BMAL2: variants seen among roughly 807,000 people sequenced by gnomAD.
BMAL2 encodes the protein basic helix-loop-helix ARNT-like protein 2.
the BMAL2 span, among the ~76,000 whole-genome samples, chr12:27,333,367 G>A: frequency 6.6e-6 from 1 of 152,108 alleles, no homozygotes; most frequent in Non-Finnish European, 1.5e-5. Context: ...CTCAGGACGC[G>A]GTGTCTTGGT....
the BMAL2 span, among the ~76,000 whole-genome samples, chr12:27,376,817 G>A: frequency 2.6e-5 from 4 of 151,748 alleles, no homozygotes; most frequent in East Asian, 3.9e-4. Context: ...TGGCTAACAC[G>A]GTGAAACCCC....
the BMAL2 span, among the ~76,000 whole-genome samples, chr12:27,374,776 C>T: frequency 2.0e-5 from 3 of 152,180 alleles, no homozygotes; most frequent in African/African-American, 7.2e-5. Flanking sequence ...ACTTGGCCTC[C>T]ACTGGTTATA....
the BMAL2 span, among the ~76,000 whole-genome samples, chr12:27,366,313 C>G: frequency 6.6e-6 from 1 of 152,122 alleles, no homozygotes; most frequent in Non-Finnish European, 1.5e-5. Context: ...CCATATATGT[C>G]TATTATATGA....
the BMAL2 span, chr12:27,368,561 G>C: frequency 6.7e-6 from 7 of 1,043,982 alleles, no homozygotes; most frequent in East Asian, 1.8e-4. Context: ...TACCTTTGTC[G>C]GTGACTGACT....
chr12:27,368,359 A>G, the BMAL2 span: 2 of 1,614,182 alleles, frequency 1.2e-6, no homozygotes. Flanking sequence ...CTTTCAGCTC[A>G]CACATGACAG....
the BMAL2 span, among the ~76,000 whole-genome samples, chr12:27,381,247 T>A: frequency 6.6e-6 from 1 of 152,190 alleles, no homozygotes; most frequent in Non-Finnish European, 1.5e-5. Context: ...GCTTGAATTT[T>A]AAATCAAAGT....
At chr12:27,414,534 A>G in the BMAL2 span, among the ~76,000 whole-genome samples, 1 of 152,176 alleles carries the variant, frequency 6.6e-6, no homozygotes, top group African/African-American at 2.4e-5. Flanking sequence ...TGCAATTTAA[A>G]CAACACATAC....
At chr12:27,389,143 G>T in the BMAL2 span, 2 of 1,325,682 alleles carry the variant, frequency 1.5e-6, no homozygotes, top group Non-Finnish European at 2.2e-6. Flanking sequence ...AAAAAGCATG[G>T]TACTGATTTT....
At chr12:27,412,033 G>A in the BMAL2 span, among the ~76,000 whole-genome samples, 1 of 152,080 alleles carries the variant, frequency 6.6e-6, no homozygotes, top group Admixed American at 6.6e-5. Flanking sequence ...GTGTATATGG[G>A]GTAAGGTAAG....
chr12:27,402,390 G>A, the BMAL2 span, among the ~76,000 whole-genome samples: 1 of 152,136 alleles, frequency 6.6e-6, no homozygotes, highest in African/African-American at 2.4e-5. Context: ...GGAACTGAGA[G>A]TTTGTTATTG....
chr12:27,412,012 T>C, the BMAL2 span, among the ~76,000 whole-genome samples: 2 of 152,200 alleles, frequency 1.3e-5, no homozygotes, highest in African/African-American at 4.8e-5. Context: ...TGATCTACTT[T>C]AAGTTAGTTT....
At chr12:27,355,121 C>CATTT in the BMAL2 span, among the ~76,000 whole-genome samples, 12 of 152,234 alleles carry the variant, frequency 7.9e-5, no homozygotes, top group African/African-American at 2.9e-4. Flanking sequence ...TCCTCACTGT[C>CATTT]ATTTATTGCC....
the BMAL2 span, chr12:27,401,200 C>A: frequency 1.5e-6 from 2 of 1,348,066 alleles, no homozygotes; most frequent in South Asian, 1.2e-5. Context: ...GGCCTACAGT[C>A]TTCTGGGAGG....
the BMAL2 span, chr12:27,390,300 T>G: frequency 5.3e-6 from 8 of 1,508,098 alleles, no homozygotes; most frequent in East Asian, 1.6e-4. Flanking sequence ...TCCTAAATAT[T>G]TTCTGTACAG....
the BMAL2 span, among the ~76,000 whole-genome samples, chr12:27,398,227 A>C: frequency 6.6e-6 from 1 of 152,222 alleles, no homozygotes; most frequent in East Asian, 1.9e-4. Context: ...CCTAGCCTGC[A>C]ACATGTTGAG....
chr12:27,400,569 T>G, the BMAL2 span: 1 of 1,613,720 alleles, frequency 6.2e-7, no homozygotes. Context: ...TTGCACTGGT[T>G]ACTTGAGAAG....
chr12:27,404,815 C>T, the BMAL2 span, among the ~76,000 whole-genome samples: 4 of 152,142 alleles, frequency 2.6e-5, no homozygotes, highest in African/African-American at 4.8e-5. Context: ...TCGCCTCACC[C>T]GGAAAGCGCA....
At chr12:27,365,077 G>A in the BMAL2 span, among the ~76,000 whole-genome samples, 1 of 151,862 alleles carries the variant, frequency 6.6e-6, no homozygotes, top group Non-Finnish European at 1.5e-5. Context: ...CCCAATAAGA[G>A]CAAAACAATT....
At chr12:27,405,773 C>T in the BMAL2 span, among the ~76,000 whole-genome samples, 1 of 151,984 alleles carries the variant, frequency 6.6e-6, no homozygotes, top group South Asian at 2.1e-4. Context: ...GAGAAGAAGG[C>T]TTCAGATGAT....
Sources: gnomAD v4.1 joint callset for allele counts (sites outside exome capture counted in the v4.1 genomes callset) on GRCh38, gnomAD v4.1.1 for gene constraint, MANE v1.5 for transcripts, NCBI Gene and HGNC (gene_info 2026-07-23, HGNC 2026-07-21) for gene names.